ZBTB44: variants seen among roughly 807,000 people sequenced by gnomAD.
ZBTB44 encodes the protein zinc finger and BTB domain containing 44.
Under a neutral mutation model 54.0 loss-of-function variants are expected in ZBTB44, and 15 were observed. The observed-to-expected ratio is 0.28, with a 90% CI of 0.19 to 0.43. The LOEUF (loss-of-function observed/expected upper bound fraction) is 0.43, where lower values mean the gene tolerates loss of function less well. ZBTB44 is among the 20% of genes least tolerant of loss of function. ZBTB44 has a pLI of 1.00. For synonymous variants in ZBTB44, 230 were observed against 250.1 expected, an observed-to-expected ratio of 0.92 and a Z score of 0.76; for missense variants, 487 against 707.1, an observed-to-expected ratio of 0.69 and a Z score of 3.53.
intron 1 of ZBTB44, among the ~76,000 whole-genome samples, chr11:130,288,176 C>A (rs994228321): frequency 1.3e-5 from 2 of 151,720 alleles, no homozygotes; most frequent in African/African-American, 2.4e-5. Flanking sequence ...AGTTCAAGAC[C>A]AGCCTGGCCA....
intron 1 of ZBTB44, among the ~76,000 whole-genome samples, chr11:130,313,812 C>T (rs1203837162): frequency 1.3e-5 from 2 of 152,010 alleles, no homozygotes; most frequent in Non-Finnish European, 2.9e-5. Context: ...TCAGTTCTAA[C>T]GTACCTGTCA....
intron 1 of ZBTB44, among the ~76,000 whole-genome samples, chr11:130,279,731 A>C (rs79156182): frequency 2.6e-5 from 4 of 152,198 alleles, no homozygotes; most frequent in Non-Finnish European, 5.9e-5. Flanking sequence ...TCTATCTGAT[A>C]TTTCTTCTTG....
At chr11:130,250,524 G>A (rs546845555) in intron 2 of ZBTB44, among the ~76,000 whole-genome samples, 16 of 152,274 alleles carry the variant, frequency 1.1e-4, no homozygotes, top group African/African-American at 3.8e-4. Context: ...CCTCATACAG[G>A]AGAGCTCCGG....
rs532132467 is a variant in ZBTB44 at position 130,281,147 on chromosome 11, G to C, written c.-56-19218C>G. On this transcript the variant is annotated intron_variant, in intron 1 of 7. Coordinates refer to ENST00000357899, the MANE Select transcript of ZBTB44 (RefSeq NM_001301098.2). ...ATGCAGCTAAAGTAGTGCTTATAGG[G>C]AAATTCATTCCCTTAAATGATTATA... Among the ~76,000 whole-genome samples, 3 of 152,270 alleles carry C rather than the reference G, an allele frequency of 2.0e-5. No homozygotes were observed. In the East Asian group the frequency reaches 5.8e-4, roughly 29 times the overall value.
intron 2 of ZBTB44, among the ~76,000 whole-genome samples, chr11:130,248,173 G>A (rs1026584539): frequency 2.6e-5 from 4 of 152,128 alleles, no homozygotes; most frequent in Non-Finnish European, 4.4e-5. Context: ...TACTCTTATG[G>A]AACTTACAGG....
At chr11:130,312,002 G>A (rs1474984898) in intron 1 of ZBTB44, among the ~76,000 whole-genome samples, 1 of 152,070 alleles carries the variant, frequency 6.6e-6, no homozygotes, top group Non-Finnish European at 1.5e-5. Context: ...AGTCTGAAGT[G>A]GTATCATTCA....
At chr11:130,239,644 C>A in intron 3 of ZBTB44, 168 bp downstream of exon 3, 2 of 502,236 alleles carry the variant, frequency 4.0e-6, no homozygotes, top group Admixed American at 3.6e-5. Flanking sequence ...AAAAAAAAGC[C>A]TTGTATAGGT....
rs185863267 is a variant in ZBTB44, at chr11:130,296,153, G to A, written c.-57+18222C>T. 6.7e-5 allele frequency: 96 copies of A among 1,426,998 alleles called. 1 individual carries two copies. Among genetic ancestry groups the A allele is most frequent in the African/African-American group, 6.0e-4 (40 of 66,794 alleles). The allele number at this position is 1,426,998 out of a possible 1,614,324, so 88.4% of individuals were successfully genotyped here. A position where few individuals can be genotyped will look rare whatever the true frequency, so the allele number is the denominator to read the frequency against. On this transcript the variant is annotated intron_variant, in intron 1 of 7. Coordinates refer to ENST00000357899, the MANE Select transcript of ZBTB44 (RefSeq NM_001301098.2). Reference sequence around the variant, plus strand: ...ATGCTCTTTTCTGCCACCCAAACTCGAAAAGTTTTGAAGGTTGGCAAGGAT... The same window carrying A: ...ATGCTCTTTTCTGCCACCCAAACTCAAAAAGTTTTGAAGGTTGGCAAGGAT...
At chr11:130,263,481 G>A (rs1939026472) in intron 1 of ZBTB44, among the ~76,000 whole-genome samples, 2 of 152,230 alleles carry the variant, frequency 1.3e-5, no homozygotes, top group Admixed American at 1.3e-4. Context: ...TCATGTGGCT[G>A]AGGGAAGAAA....
At chr11:130,313,086 A>G (rs1942718768) in intron 1 of ZBTB44, among the ~76,000 whole-genome samples, 2 of 152,236 alleles carry the variant, frequency 1.3e-5, no homozygotes, top group African/African-American at 4.8e-5. Context: ...TTTTCATAAC[A>G]AAGTTAATAA....
intron 2 of ZBTB44, among the ~76,000 whole-genome samples, chr11:130,244,230 C>T (rs1954527387): frequency 6.6e-6 from 1 of 152,140 alleles, no homozygotes; most frequent in Non-Finnish European, 1.5e-5. Context: ...ACAGTAGACT[C>T]AAACAACCTA....
At chr11:130,305,461 C>G (rs1942215476) in intron 1 of ZBTB44, among the ~76,000 whole-genome samples, 1 of 152,168 alleles carries the variant, frequency 6.6e-6, no homozygotes, top group Non-Finnish European at 1.5e-5. Flanking sequence ...CAAATACTTA[C>G]AGCCAACTGG....
intron 2 of ZBTB44, among the ~76,000 whole-genome samples, chr11:130,243,862 T>C (rs1954504583): frequency 6.6e-6 from 1 of 152,118 alleles, no homozygotes; most frequent in Non-Finnish European, 1.5e-5. Flanking sequence ...TTTTAAATTA[T>C]TACCAATCAG....
Position 130,259,663 on chromosome 11 carries a change from T to A in ZBTB44, c.1018+1193A>T, listed in dbSNP as rs11821690. 8.7e-3 allele frequency among the ~76,000 whole-genome samples: 1,318 copies of A among 152,226 alleles called. 9 individuals carry two copies. The highest frequency in any genetic ancestry group is 0.022 in the African/African-American group (895 of 41,518). ...TTCATGTCCTTTGCAGGGACATGGA[T>A]GAAGCTGGAAACCATCATTCTCCGC... is the stretch of plus-strand genomic sequence containing the variant. On this transcript the variant is annotated intron_variant, in intron 2 of 7. Coordinates refer to ENST00000357899, the MANE Select transcript of ZBTB44 (RefSeq NM_001301098.2).
rs544970323 is a variant in ZBTB44, at chr11:130,229,050, G to C, written c.*2714C>G. 5 of 151,978 alleles carry C rather than the reference G, an allele frequency of 3.3e-5. No homozygotes were observed. The highest frequency in any genetic ancestry group is 6.6e-5 in the Admixed American group (1 of 15,250). 9.4% of individuals were successfully genotyped at this position (151,978 alleles called of 1,614,324 possible). A position where few individuals can be genotyped will look rare whatever the true frequency, so the allele number is the denominator to read the frequency against. The stretch of plus-strand genomic sequence containing the variant: ...AGAAACCTTGGTATTAGCTGAAGCC[G>C]GCCTGGGTCTTGCACAGTGGGGGTT... On this transcript the variant is annotated 3_prime_UTR_variant, in exon 8 of 8. Coordinates refer to ENST00000357899, the MANE Select transcript of ZBTB44 (RefSeq NM_001301098.2).
At chr11:130,248,990 G>C (rs1328511999) in intron 2 of ZBTB44, among the ~76,000 whole-genome samples, 1 of 152,058 alleles carries the variant, frequency 6.6e-6, no homozygotes, top group African/African-American at 2.4e-5. Flanking sequence ...TGCAGTCCCA[G>C]CTACTTGGGA....
chr11:130,281,664 G>A (rs752578215), intron 1 of ZBTB44, among the ~76,000 whole-genome samples: 34 of 151,652 alleles, frequency 2.2e-4, no homozygotes, highest in Non-Finnish European at 3.8e-4. Flanking sequence ...GTGTGATATC[G>A]GCTCACTGCA....
chr11:130,269,051 G>A (rs1164631025), intron 1 of ZBTB44, among the ~76,000 whole-genome samples: 2 of 151,204 alleles, frequency 1.3e-5, no homozygotes, highest in East Asian at 3.9e-4. Context: ...AGCACTTTGG[G>A]AGGCCAAAGC....
At chr11:130,256,194 A>G (rs1292955844) in intron 2 of ZBTB44, among the ~76,000 whole-genome samples, 1 of 152,232 alleles carries the variant, frequency 6.6e-6, no homozygotes, top group Non-Finnish European at 1.5e-5. Flanking sequence ...AAAGTCCTCA[A>G]TAAAATACTG....
Sources: allele counts gnomAD v4.1 joint callset (sites outside exome capture counted in the v4.1 genomes callset), GRCh38; gene constraint gnomAD v4.1.1; transcripts MANE v1.5; gene names NCBI Gene and HGNC (gene_info 2026-07-23, HGNC 2026-07-21).